The following RERE variants were observed in gnomAD, a reference collection of about 807,000 sequenced individuals.
RERE encodes the protein arginine-glutamic acid dipeptide repeats.
A neutral mutation model predicts 146.1 loss-of-function variants in RERE; 40 were observed. The observed-to-expected ratio is 0.27, with a 90% CI of 0.21 to 0.36. The LOEUF (loss-of-function observed/expected upper bound fraction) is 0.36. RERE is among the 10% of genes least tolerant of loss of function. The pLI, the probability that RERE is intolerant of heterozygous loss-of-function variation, is 1.00. For synonymous variants in RERE, 1,003 were observed against 866.0 expected (o/e 1.16, Z -2.78); for missense variants, 1,933 against 2,138.7 (o/e 0.90, Z 1.90).
chr1:8,417,785 T>A (rs1289472820), intron 12 of RERE, among the ~76,000 whole-genome samples: 2 of 152,202 alleles, frequency 1.3e-5, no homozygotes, highest in African/African-American at 4.8e-5. Flanking sequence ...AGCTATAATT[T>A]GGGCCCAAGT....
Position 8,495,323 on chromosome 1 carries a change from T to C in RERE, c.1005-161A>G, listed in dbSNP as rs527497944. 3.4e-3 allele frequency among the ~76,000 whole-genome samples: 512 copies of C among 152,122 alleles called. 1 individual carries two copies. The highest frequency in any genetic ancestry group is 8.7e-3 in the South Asian group (42 of 4,806). On this transcript the variant is annotated intron_variant, in intron 9 of 22. Transcript: ENST00000400908. ...CTGCCTCTGCTCCTATTTTTTTTTT[T>C]TTTTCTTTTGAGATGGAGTCTCACT...
In RERE at chr1:8,707,899, C is replaced by T. The variant is rs576700441; in HGVS notation, c.-144-51458G>A. Among the ~76,000 whole-genome samples the T allele has an allele frequency of 4.6e-5, 7 of 152,286 alleles. No individual in the cohort carries two copies. The South Asian group carries it at 1.5e-3, about 32-fold the overall frequency. On this transcript the variant is annotated intron_variant, in intron 1 of 22. Transcript: ENST00000400908. Reference sequence around the variant, plus strand: ...AGTTCAAAAATAGGTGACTAAGGTACAGTAAGATACTTTGAGAGGCCACAT... The same window carrying T: ...AGTTCAAAAATAGGTGACTAAGGTATAGTAAGATACTTTGAGAGGCCACAT...
rs1298604199 is a variant in RERE at position 8,423,391 on chromosome 1, C to G, written c.1204-584G>C. ...CGTCATTAAAAGCCACTCCGAGACA[C>G]CAGAGAATAACCAGCACCCCTTCCG... On this transcript the variant is annotated intron_variant, in intron 11 of 22. Transcript: ENST00000400908. This position sits in a 1 kb window ranked among gnomAD's most constrained non-coding sequence, Gnocchi z 5.4. 1 of 280,512 alleles carries G rather than the reference C, an allele frequency of 3.6e-6. No individual in the cohort carries two copies. The highest frequency in any genetic ancestry group is 1.7e-4 in the East Asian group (1 of 5,776). 17.4% of individuals were successfully genotyped at this position (280,512 alleles called of 1,614,324 possible). A position where few individuals can be genotyped will look rare whatever the true frequency, so the allele number is the denominator to read the frequency against.
At chr1:8,675,484 C>T (rs1186445748) in intron 1 of RERE, among the ~76,000 whole-genome samples, 2 of 125,118 alleles carry the variant, frequency 1.6e-5, no homozygotes, top group African/African-American at 6.3e-5. Context: ...CGTCGCAAAA[C>T]CCCATCTCTA....
chr1:8,665,748 A>G (rs1638556790), intron 1 of RERE, among the ~76,000 whole-genome samples: 1 of 152,240 alleles, frequency 6.6e-6, no homozygotes, highest in Admixed American at 6.5e-5. Flanking sequence ...TGGGCACTTA[A>G]TATGCACTAA....
At chr1:8,471,938 A>G (rs1411842949) in intron 10 of RERE, among the ~76,000 whole-genome samples, 1 of 152,180 alleles carries the variant, frequency 6.6e-6, no homozygotes, top group Non-Finnish European at 1.5e-5. Context: ...CAGCATCCAG[A>G]GTAGCTGGGA....
Position 8,360,450 on chromosome 1 carries a change from G to A in RERE, c.3057C>T (p.Ser1019=), listed in dbSNP as rs1570034324. 5.5e-6 allele frequency: 3 copies of A among 544,628 alleles called. No homozygotes were observed. Among genetic ancestry groups the A allele is most frequent in the Non-Finnish European group, 2.8e-6 (1 of 354,770 alleles). The allele number at this position is 544,628 out of a possible 1,614,324, so 33.7% of individuals were successfully genotyped here. A position where few individuals can be genotyped will look rare whatever the true frequency, so the allele number is the denominator to read the frequency against. The change falls in exon 18 of 23, where the codon TCC becomes TCT. Residue 1019 remains serine, a synonymous_variant. Coordinates refer to ENST00000400908, the MANE Select transcript of RERE (RefSeq NM_001042681.2). ...QSQNLPPPPA[S]HPPTGLHQVA... is the part of the protein sequence containing the mutation. ...CCTGGTGGAGGCCTGTAGGGGGGTG[G>A]GAGGCAGGGGGCGGGGGCAGGTTCT...
intron 10 of RERE, among the ~76,000 whole-genome samples, chr1:8,492,665 C>T (rs182159892): frequency 2.0e-5 from 3 of 152,078 alleles, no homozygotes; most frequent in Non-Finnish European, 2.9e-5. Context: ...TTTGGGAGGC[C>T]GAGGCAGGAG....
Position 8,432,572 on chromosome 1 carries a change from G to A in RERE, c.1204-9765C>T, listed in dbSNP as rs113491233. Among the ~76,000 whole-genome samples the A allele has an allele frequency of 1.5e-3, 227 of 152,258 alleles. 1 individual carries two copies. Among genetic ancestry groups the A allele is most frequent in the African/African-American group, 4.9e-3 (203 of 41,516 alleles). On this transcript the variant is annotated intron_variant, in intron 11 of 22. Coordinates refer to ENST00000400908, the MANE Select transcript of RERE (RefSeq NM_001042681.2). ...AAACAACAATTCCTGTTTATGACTA[G>A]AATTAATAAGCACTTCTGCCATTAA...
chr1:8,731,592 T>TA (rs56224906), intron 1 of RERE, among the ~76,000 whole-genome samples: 24,683 of 145,054 alleles, frequency 0.17, 2,427 homozygotes, highest in Middle Eastern at 0.26. Flanking sequence ...AGCTCCAGTA[T>TA]AAAAAAAAAA....
intron 12 of RERE, among the ~76,000 whole-genome samples, chr1:8,373,162 TAGAAGA>T (rs1642108100): frequency 6.6e-6 from 1 of 152,210 alleles, no homozygotes; most frequent in Non-Finnish European, 1.5e-5. Flanking sequence ...AGTAAGCATT[TAGAAGA>T]AATCATTTTA....
intron 1 of RERE, among the ~76,000 whole-genome samples, chr1:8,761,020 A>G (rs1640747198): frequency 1.3e-5 from 2 of 152,212 alleles, no homozygotes; most frequent in Non-Finnish European, 2.9e-5. Context: ...TAACTCTAAC[A>G]GGATTACAGG....
chr1:8,539,245 G>T (rs765794421), intron 7 of RERE, among the ~76,000 whole-genome samples: 1 of 152,160 alleles, frequency 6.6e-6, no homozygotes, highest in East Asian at 1.9e-4. Flanking sequence ...AGGAAGACAT[G>T]AGAAGGTAGC....
rs530733948 is a variant in RERE, at chr1:8,703,397, T to C, written c.-144-46956A>G. Among the ~76,000 whole-genome samples, 4 of 151,650 alleles carry C rather than the reference T, an allele frequency of 2.6e-5. No individual in the cohort carries two copies. In the East Asian group the frequency reaches 7.8e-4, roughly 30 times the overall value. On this transcript the variant is annotated intron_variant, in intron 1 of 22. Transcript: ENST00000400908. ...GGGAGGCCGGGCCAGCACTGCCACA[T>C]GCCGGTGACCCAGACGCCGGGAGAG...
chr1:8,635,014 C>T (rs959692020), intron 2 of RERE, among the ~76,000 whole-genome samples: 4 of 152,170 alleles, frequency 2.6e-5, no homozygotes, highest in African/African-American at 4.8e-5. Context: ...GGATTAGAGG[C>T]GTGAGCCACC....
At chr1:8,661,112 C>A (rs905463898) in intron 1 of RERE, among the ~76,000 whole-genome samples, 6 of 152,186 alleles carry the variant, frequency 3.9e-5, no homozygotes, top group African/African-American at 1.4e-4. Context: ...CAATTTTAAA[C>A]AAGATGTTCA....
Position 8,806,250 on chromosome 1 carries a change from C to A in RERE, c.-145+10910G>T, listed in dbSNP as rs557068784. On this transcript the variant is annotated intron_variant, in intron 1 of 22. Transcript: ENST00000400908. ...ATTGTTATTATCAATAATTTTTTGG[C>A]CAGGCACGGTGGCTCACACCTATAA... Among the ~76,000 whole-genome samples, 388 of 152,122 alleles carry A rather than the reference C, an allele frequency of 2.6e-3. 3 individuals carry two copies. Among genetic ancestry groups the A allele is most frequent in the African/African-American group, 8.9e-3 (368 of 41,512 alleles).
intron 4 of RERE, among the ~76,000 whole-genome samples, chr1:8,603,948 A>AAAAAG (rs1200415433): frequency 1.3e-5 from 2 of 150,936 alleles, no homozygotes; most frequent in Non-Finnish European, 2.9e-5. Context: ...CAAAAAAAAA[A>AAAAAG]AAAGAAAAGA....
intron 11 of RERE, among the ~76,000 whole-genome samples, chr1:8,436,272 T>C (rs1173089004): frequency 1.3e-5 from 2 of 152,156 alleles, no homozygotes; most frequent in Non-Finnish European, 2.9e-5. Flanking sequence ...TGAGCTGAGA[T>C]TGTGCCACTG....
Sources: gnomAD v4.1 joint callset for allele counts (sites outside exome capture counted in the v4.1 genomes callset) on GRCh38, gnomAD v4.1.1 for gene constraint, Gnocchi (gnomAD v3.1) non-coding constraint, MANE v1.5 for transcripts, NCBI Gene and HGNC (gene_info 2026-07-23, HGNC 2026-07-21) for gene names.